The following FBXO42 variants were observed in gnomAD, a reference collection of about 807,000 sequenced individuals.
FBXO42 encodes the protein F-box only protein 42.
FBXO42 carries 12 observed loss-of-function variants against 71.7 expected under a neutral mutation model. The observed-to-expected ratio is 0.17, with a 90% confidence interval of 0.11 to 0.27. FBXO42 has a LOEUF of 0.27. Ranked by LOEUF, FBXO42 falls within the 10% of genes least tolerant of loss-of-function variation. The probability of loss-of-function intolerance (pLI) is 1.00; values close to 1 mark genes in which losing one functional copy is unlikely to be tolerated. For synonymous variants in FBXO42, 325 were observed against 327.5 expected (o/e 0.99, Z 0.08); for missense variants, 707 against 911.9 (o/e 0.78, Z 2.89).
Position 16,249,175 on chromosome 1 carries a change from A to G in FBXO42, c.*1495T>C, listed in dbSNP as rs2081565016. The G allele has an allele frequency of 6.6e-6, 1 of 152,252 alleles. No individual in the cohort carries two copies. The highest frequency in any genetic ancestry group is 2.1e-4 in the South Asian group (1 of 4,830). The allele number at this position is 152,252 out of a possible 1,614,324, so 9.4% of individuals were successfully genotyped here. The stretch of plus-strand genomic sequence containing the variant: ...TGATGAGAAATCACCAAAAATCCCT[A>G]TTTAAATGGTGCCATTTGAAATAAA... On this transcript the variant is annotated 3_prime_UTR_variant, in exon 10 of 10. Transcript: ENST00000375592.
intron 1 of FBXO42, among the ~76,000 whole-genome samples, chr1:16,336,271 G>A (rs1390073252): frequency 6.6e-6 from 1 of 151,454 alleles, no homozygotes; most frequent in Non-Finnish European, 1.5e-5. Flanking sequence ...TCCTCACTCT[G>A]GTCTATTCCT....
chr1:16,340,465 C>T (rs1020221909), intron 1 of FBXO42, among the ~76,000 whole-genome samples: 4 of 151,954 alleles, frequency 2.6e-5, no homozygotes, highest in East Asian at 3.9e-4. Context: ...GAATTAAAGG[C>T]GCCCACCCCG....
chr1:16,258,457 AG>A (rs1436283322), intron 4 of FBXO42, among the ~76,000 whole-genome samples: 1 of 151,628 alleles, frequency 6.6e-6, no homozygotes, highest in Non-Finnish European at 1.5e-5. Flanking sequence ...CCTGGGCTCA[AG>A]GGATCCTCCC....
chr1:16,260,984 G>A (rs2081705631), intron 4 of FBXO42, among the ~76,000 whole-genome samples: 1 of 152,150 alleles, frequency 6.6e-6, no homozygotes, highest in South Asian at 2.1e-4. Flanking sequence ...TGGAATTACA[G>A]GCATGAGCCA....
rs1021857324 is a variant in FBXO42 at position 16,248,525 on chromosome 1, T to C, written c.*2145A>G. On this transcript the variant is annotated 3_prime_UTR_variant, in exon 10 of 10. Transcript: ENST00000375592. The stretch of plus-strand genomic sequence containing the variant: ...TAAGGGAAAGACTGTAAGGTTGAGA[T>C]TCTGTACTTTCAGGTTTCTAATATA... 2.0e-5 allele frequency: 3 copies of C among 152,202 alleles called. No individual in the cohort carries two copies. Among genetic ancestry groups the C allele is most frequent in the African/African-American group, 7.2e-5 (3 of 41,450 alleles). 9.4% of individuals were successfully genotyped at this position (152,202 alleles called of 1,614,324 possible). A position where few individuals can be genotyped will look rare whatever the true frequency, so the allele number is the denominator to read the frequency against.
intron 1 of FBXO42, among the ~76,000 whole-genome samples, chr1:16,332,393 T>A (rs1366643854): frequency 6.6e-6 from 1 of 152,142 alleles, no homozygotes; most frequent in Non-Finnish European, 1.5e-5. Flanking sequence ...CCAAAAAAAA[T>A]GCTTATGGAA....
intron 6 of FBXO42, among the ~76,000 whole-genome samples, chr1:16,254,808 G>A (rs1055211731): frequency 3.3e-5 from 5 of 152,236 alleles, no homozygotes; most frequent in Non-Finnish European, 7.3e-5. Flanking sequence ...TATGGCTTGA[G>A]CTGTCCAGTA....
In FBXO42 at chr1:16,315,422, A is replaced by T. The variant is rs1347537862; in HGVS notation, c.-4T>A. The T allele has an allele frequency of 6.2e-7, 1 of 1,613,416 alleles. No homozygotes were observed. The highest frequency in any genetic ancestry group is 1.7e-5 in the Admixed American group (1 of 59,880). On this transcript the variant is annotated 5_prime_UTR_variant, in exon 2 of 10. An upstream start codon of the reference 5' UTR is lost. Transcript: ENST00000375592. ...CACTGTCCGAGGAGCTGGCCATGAC[A>T]TTCCACTCAACAGCTGTAATAGGTA... is the stretch of plus-strand genomic sequence containing the variant.
chr1:16,311,527 T>TACAC (rs1350138849), intron 2 of FBXO42, among the ~76,000 whole-genome samples: 307 of 138,580 alleles, frequency 2.2e-3, no homozygotes, highest in African/African-American at 7.6e-3. Flanking sequence ...TATATATATA[T>TACAC]ACATATGTAT....
intron 4 of FBXO42, among the ~76,000 whole-genome samples, chr1:16,257,675 C>T (rs2081659907): frequency 6.6e-6 from 1 of 152,138 alleles, no homozygotes; most frequent in Admixed American, 6.6e-5. Context: ...TCAGTAAATA[C>T]CAGAATACTT....
intron 1 of FBXO42, among the ~76,000 whole-genome samples, chr1:16,344,557 A>G (rs1360114281): frequency 6.7e-6 from 1 of 149,650 alleles, no homozygotes; most frequent in Non-Finnish European, 1.5e-5. Context: ...GCTGGTGTCA[A>G]ACTCCCAACC....
chr1:16,301,846 TG>T, intron 3 of FBXO42, among the ~76,000 whole-genome samples: 1 of 152,204 alleles, frequency 6.6e-6, no homozygotes, highest in Admixed American at 6.6e-5. Context: ...TTGCCCAAAT[TG>T]GTCTCAAACA....
chr1:16,296,274 T>A (rs550363016), intron 3 of FBXO42, among the ~76,000 whole-genome samples: 2 of 152,024 alleles, frequency 1.3e-5, no homozygotes, highest in Admixed American at 1.3e-4. Context: ...AAAATAAAAT[T>A]AAGTAAACAA....
At chr1:16,254,632 C>A (rs1322421862) in intron 6 of FBXO42, among the ~76,000 whole-genome samples, 1 of 152,208 alleles carries the variant, frequency 6.6e-6, no homozygotes, top group Non-Finnish European at 1.5e-5. Context: ...CTCTCCATAA[C>A]TGTTTTAAAA....
chr1:16,312,865 G>A (rs1460477938), intron 2 of FBXO42, among the ~76,000 whole-genome samples: 2 of 151,556 alleles, frequency 1.3e-5, no homozygotes, highest in Non-Finnish European at 2.9e-5. Context: ...CTCGATCTTG[G>A]CACACTGCAA....
rs1476316652 is a variant in FBXO42 at position 16,252,673 on chromosome 1, T to C, written c.922-269A>G. ...TGGTTTTGACACTTGCCCATAATTTTATGTGTATGTATTGGGGATTGAAGG... is the reference window on the plus strand; with the variant it reads ...TGGTTTTGACACTTGCCCATAATTTCATGTGTATGTATTGGGGATTGAAGG... On this transcript the variant is annotated intron_variant, in intron 8 of 9. Transcript: ENST00000375592. This position sits in a 1 kb window ranked among gnomAD's most constrained non-coding sequence, Gnocchi z 4.4. Among the ~76,000 whole-genome samples the C allele has an allele frequency of 4.6e-5, 7 of 152,224 alleles. No individual in the cohort carries two copies. The highest frequency in any genetic ancestry group is 1.7e-4 in the African/African-American group (7 of 41,452).
chr1:16,348,819 T>C (rs1025725838), intron 1 of FBXO42, among the ~76,000 whole-genome samples: 2 of 152,210 alleles, frequency 1.3e-5, no homozygotes, highest in African/African-American at 4.8e-5. Flanking sequence ...GAGACAGTAC[T>C]AATAACCACC....
intron 3 of FBXO42, among the ~76,000 whole-genome samples, chr1:16,304,709 C>T (rs966920579): frequency 6.6e-6 from 1 of 152,068 alleles, no homozygotes; most frequent in Non-Finnish European, 1.5e-5. Context: ...TGGCTCACAC[C>T]TGTAATCCCA....
chr1:16,332,088 T>C (rs2100610898), intron 1 of FBXO42, among the ~76,000 whole-genome samples: 1 of 152,180 alleles, frequency 6.6e-6, no homozygotes, highest in African/African-American at 2.4e-5. Context: ...ATGATATCAG[T>C]TGCTGGTTAT....
Sources: allele counts gnomAD v4.1 joint callset (sites outside exome capture counted in the v4.1 genomes callset), GRCh38; gene constraint gnomAD v4.1.1; non-coding constraint Gnocchi (gnomAD v3.1); transcripts MANE v1.5; gene names NCBI Gene and HGNC (gene_info 2026-07-23, HGNC 2026-07-21).